The following WDR44 variants were observed in gnomAD, a reference collection of about 807,000 sequenced individuals.
WDR44 encodes WD repeat domain 44, also known as WD repeat-containing protein 44.
A neutral mutation model predicts 65.7 loss-of-function variants in WDR44; 9 were observed. That is an observed-to-expected ratio of 0.14 (90% CI 0.08 to 0.24). WDR44 has a LOEUF of 0.24. Ranked by LOEUF, WDR44 falls within the 10% of genes least tolerant of loss-of-function variation. The pLI is 1.00. For synonymous variants in WDR44, 220 were observed against 235.2 expected, an observed-to-expected ratio of 0.94 and a Z score of 0.59; for missense variants, 425 against 670.9, an observed-to-expected ratio of 0.63 and a Z score of 4.05.
chrX:118,399,733 C>T (rs992327589), intron 8 of WDR44, among the ~76,000 whole-genome samples: 2 of 111,448 alleles, frequency 1.8e-5, no homozygotes, highest in African/African-American at 6.5e-5. Flanking sequence ...AAGCAGCAAA[C>T]TGTGACAACA....
At chrX:118,401,021 A>G (rs1470971021) in intron 8 of WDR44, among the ~76,000 whole-genome samples, 67 of 72,716 alleles carry the variant, frequency 9.2e-4, no homozygotes, top group Admixed American at 1.3e-3. Context: ...ATGGCTGCAT[A>G]GTATTCCATG....
intron 1 of WDR44, among the ~76,000 whole-genome samples, chrX:118,368,481 A>ATATATATATATATATATATATAC (rs1377849821): frequency 1.0e-5 from 1 of 95,289 alleles, no homozygotes; most frequent in Non-Finnish European, 2.0e-5. Flanking sequence ...ATATATATAT[A>ATATATATATATATATATATATAC]CTTCTTGAGG....
intron 7 of WDR44, among the ~76,000 whole-genome samples, chrX:118,397,836 A>T (rs1320403938): frequency 8.9e-6 from 1 of 112,423 alleles, no homozygotes; most frequent in Non-Finnish European, 1.9e-5. Context: ...TAGGTTTTTC[A>T]TAAATTTCTA....
At position 118,436,695 on chromosome X, in the gene WDR44, C is replaced by G; in HGVS notation, c.1852-7C>G. ...TGATAACATAGTCAATGTCATTTTC[C>G]CCATAGAACTACTTTCTTCTTTCTT... On this transcript the variant is annotated splice_polypyrimidine_tract_variant and splice_region_variant and intron_variant, in intron 13 of 19. Transcript: ENST00000254029. 8.5e-7 allele frequency: 1 copy of G among 1,182,403 alleles called. No homozygotes were observed. Among genetic ancestry groups the G allele is most frequent in the Non-Finnish European group, 1.1e-6 (1 of 879,002 alleles).
At chrX:118,445,804 C>T (rs191676177) in intron 19 of WDR44, among the ~76,000 whole-genome samples, 18 of 111,300 alleles carry the variant, frequency 1.6e-4, no homozygotes, top group African/African-American at 4.9e-4. Flanking sequence ...CCAAGGCAGG[C>T]GGATTATGAG....
At chrX:118,395,170 T>G in intron 5 of WDR44, 79 bp from the exon 6 acceptor site, 4 of 891,528 alleles carry the variant, frequency 4.5e-6, no homozygotes, top group Non-Finnish European at 6.3e-6. Flanking sequence ...TGAAATTCTT[T>G]AGAATTATAT....
At chrX:118,367,053 C>G (rs188339850) in intron 1 of WDR44, among the ~76,000 whole-genome samples, 8 of 109,332 alleles carry the variant, frequency 7.3e-5, no homozygotes, top group African/African-American at 2.3e-4. Flanking sequence ...GCCACTGCAC[C>G]CCAGCCTGGG....
At chrX:118,376,922 G>A in intron 1 of WDR44, among the ~76,000 whole-genome samples, 1 of 110,907 alleles carries the variant, frequency 9.0e-6, no homozygotes, top group Non-Finnish European at 1.9e-5. Flanking sequence ...AGGATTGCTT[G>A]AGCCCAAGAG....
chrX:118,366,473 A>G (rs2056553440), intron 1 of WDR44, among the ~76,000 whole-genome samples: 1 of 111,820 alleles, frequency 8.9e-6, no homozygotes, highest in Non-Finnish European at 1.9e-5. Context: ...TTCAGACATG[A>G]GAAATTCTAC....
intron 7 of WDR44, 143 bp downstream of exon 7, chrX:118,397,249 A>G: frequency 4.3e-6 from 2 of 469,177 alleles, no homozygotes; most frequent in Non-Finnish European, 6.4e-6. Context: ...TAATGTATGT[A>G]TTCTTTAACT....
chrX:118,395,482 C>T, intron 6 of WDR44, 138 bp downstream of exon 6: 4 of 422,665 alleles, frequency 9.5e-6, no homozygotes, highest in Non-Finnish European at 1.5e-5. Flanking sequence ...CAGAACTATA[C>T]ACTTAAAAAT....
chrX:118,449,013 T>C lies in WDR44; in HGVS notation c.*26T>C, dbSNP rs2147760355. ...TTTGAAATGGCATTTAAAATAAACA[T>C]ATCAGTAAGTTTCTATATGTATCAA... On this transcript the variant is annotated 3_prime_UTR_variant, in exon 20 of 20. Transcript: ENST00000254029. 1.9e-6 allele frequency: 2 copies of C among 1,032,329 alleles called. No individual in the cohort carries two copies. The highest frequency in any genetic ancestry group is 6.1e-5 in the East Asian group (2 of 32,708). The allele number at this position is 1,032,329 out of a possible 1,213,427, so 85.1% of individuals were successfully genotyped here.
rs780960682 is a variant in WDR44 at position 118,415,715 on chromosome X, G to T, written c.1737+4756G>T. 1.1e-4 allele frequency among the ~76,000 whole-genome samples: 12 copies of T among 111,865 alleles called. No homozygotes were observed. The South Asian group carries it at 4.1e-3, about 39-fold the overall frequency. ...GACGAGGTTTCAACATGTTGGCCAG[G>T]CTAGTCTTGAACTCCTGGCCTCAGG... On this transcript the variant is annotated intron_variant, in intron 12 of 19. Coordinates refer to ENST00000254029, the MANE Select transcript of WDR44 (RefSeq NM_019045.5).
At chrX:118,393,304 T>C in intron 4 of WDR44, 33 bp downstream of exon 4, 1 of 1,155,299 alleles carries the variant, frequency 8.7e-7, no homozygotes, top group Non-Finnish European at 1.1e-6. Context: ...CTCTGTTGGT[T>C]GGGCACAGTG....
intron 12 of WDR44, among the ~76,000 whole-genome samples, chrX:118,417,265 T>C (rs138610072): frequency 0.012 from 1,321 of 111,822 alleles, 16 homozygotes; most frequent in African/African-American, 0.041. Flanking sequence ...CTTACATTTT[T>C]GTTTTATAGG....
rs1208549672 is a variant in WDR44 at position 118,392,946 on chromosome X, T to C, written c.501T>C (p.Asn167=). The C allele has an allele frequency of 8.3e-7, 1 of 1,210,864 alleles. No homozygotes were observed. The highest frequency in any genetic ancestry group is 3.0e-5 in the East Asian group (1 of 33,774). The part of the protein sequence containing the change: ...LTQTSSTEQL[N]VLETETEVLN... Reference sequence around the variant, plus strand: ...AAACAAGTTCAACTGAGCAGCTTAATGTGCTTGAAACTGAAACAGAAGTAT... The same window carrying C: ...AAACAAGTTCAACTGAGCAGCTTAACGTGCTTGAAACTGAAACAGAAGTAT... The change falls in exon 4 of 20, where the codon AAT becomes AAC. Residue 167 remains asparagine, a synonymous_variant. Coordinates refer to ENST00000254029, the MANE Select transcript of WDR44 (RefSeq NM_019045.5).
intron 14 of WDR44, among the ~76,000 whole-genome samples, chrX:118,439,029 G>A (rs1283115814): frequency 9.4e-5 from 10 of 106,948 alleles, no homozygotes; most frequent in Non-Finnish European, 1.3e-4. Flanking sequence ...CAAGTGATCC[G>A]CCTGCCTCAG....
chrX:118,352,342 A>ATTT (rs2056417265), intron 1 of WDR44, among the ~76,000 whole-genome samples: 1 of 21,089 alleles, frequency 4.7e-5, no homozygotes, highest in African/African-American at 3.9e-4. Flanking sequence ...ATATATATAT[A>ATTT]TATATATATA....
chrX:118,376,823 G>T (rs890319920), intron 1 of WDR44, among the ~76,000 whole-genome samples: 2 of 110,207 alleles, frequency 1.8e-5, no homozygotes, highest in African/African-American at 3.3e-5. Flanking sequence ...TAGCAATATG[G>T]CAAACCCCGT....
Sources: gnomAD v4.1 joint callset for allele counts (sites outside exome capture counted in the v4.1 genomes callset) on GRCh38, gnomAD v4.1.1 for gene constraint, MANE v1.5 for transcripts, NCBI Gene and HGNC (gene_info 2026-07-23, HGNC 2026-07-21) for gene names.